The following ADAM12 variants were observed in gnomAD, a reference collection of about 807,000 sequenced individuals.
ADAM12 encodes disintegrin and metalloproteinase domain-containing protein 12.
A neutral mutation model predicts 106.4 loss-of-function variants in ADAM12; 70 were observed. The ratio of observed to expected loss-of-function variants is 0.66; its 90% CI spans 0.54 to 0.80. The LOEUF (loss-of-function observed/expected upper bound fraction) is 0.80, where lower values mean the gene tolerates loss of function less well. Ranked by LOEUF, ADAM12 falls within the 30% of genes least tolerant of loss-of-function variation. The pLI is 0.00. For synonymous variants in ADAM12, 420 were observed against 433.5 expected, an observed-to-expected ratio of 0.97 and a Z score of 0.39; for missense variants, 1,010 against 1,171.9, an observed-to-expected ratio of 0.86 and a Z score of 2.02.
intron 21 of ADAM12, among the ~76,000 whole-genome samples, chr10:126,030,333 G>C (rs1953951349): frequency 6.6e-6 from 1 of 152,182 alleles, no homozygotes; most frequent in South Asian, 2.1e-4. Flanking sequence ...TCTCCTAGCA[G>C]AGAGGTGGGT....
In ADAM12 at chr10:126,043,082, C is replaced by T; in HGVS notation, c.2062G>A (p.Gly688Ser). The change falls in exon 18 of 23, where the codon GGC becomes AGC. Residue 688 changes from glycine to serine, a missense_variant. Gly to Ser is a moderately conservative substitution (Grantham distance 56). Transcript: ENST00000448723. The surrounding 1 kb of genome is among the most constrained non-coding windows in gnomAD (Gnocchi z 4.1). ...HWAPPFCDKF[G>S]FGGSTDSGPI... ...CCGCTGTCTGTGCTTCCTCCAAAGCCAAACTTGTCACAGAAGGGAGGTGCC... is the reference window on the plus strand; with the variant it reads ...CCGCTGTCTGTGCTTCCTCCAAAGCTAAACTTGTCACAGAAGGGAGGTGCC... 3 of 1,614,202 alleles carry T rather than the reference C, an allele frequency of 1.9e-6. No individual in the cohort carries two copies. The South Asian group carries it at 3.3e-5, about 18-fold the overall frequency.
intron 3 of ADAM12, among the ~76,000 whole-genome samples, chr10:126,180,241 C>T (rs2133781645): frequency 6.6e-6 from 1 of 152,302 alleles, no homozygotes; most frequent in Admixed American, 6.5e-5. Flanking sequence ...CGCTTAGTAA[C>T]CAGCCGGATT....
intron 3 of ADAM12, among the ~76,000 whole-genome samples, chr10:126,266,172 G>A (rs1405707834): frequency 6.6e-6 from 1 of 152,132 alleles, no homozygotes; most frequent in African/African-American, 2.4e-5. Flanking sequence ...GGGCTCCACA[G>A]GCCTACAGAA....
At chr10:126,023,003 T>C (rs1236769856) in intron 21 of ADAM12, among the ~76,000 whole-genome samples, 1 of 152,202 alleles carries the variant, frequency 6.6e-6, no homozygotes, top group East Asian at 1.9e-4. Flanking sequence ...TCATGAAGTC[T>C]CAGCTGTTAT....
intron 2 of ADAM12, among the ~76,000 whole-genome samples, chr10:126,283,534 T>G (rs1959692106): frequency 6.6e-6 from 1 of 152,216 alleles, no homozygotes; most frequent in Admixed American, 6.5e-5. Context: ...GGGTTTTCCT[T>G]TACGCCTCCC....
chr10:126,084,134 C>T (rs901631648), intron 11 of ADAM12, among the ~76,000 whole-genome samples: 1 of 152,218 alleles, frequency 6.6e-6, no homozygotes, highest in African/African-American at 2.4e-5. Flanking sequence ...TGCTCCTCCT[C>T]CCTGAAACCA....
chr10:126,279,966 G>A (rs1424787570), intron 2 of ADAM12, among the ~76,000 whole-genome samples: 1 of 152,152 alleles, frequency 6.6e-6, no homozygotes, highest in East Asian at 1.9e-4. Context: ...AGGCTTGTAT[G>A]AACGCATGAG....
chr10:126,305,460 G>GTAACGATA (rs1960803628), intron 2 of ADAM12, among the ~76,000 whole-genome samples: 1 of 152,054 alleles, frequency 6.6e-6, no homozygotes, highest in Non-Finnish European at 1.5e-5. Flanking sequence ...CTTGAAGCCA[G>GTAACGATA]AGTTGATAAG....
At chr10:126,244,341 T>A (rs1284226310) in intron 3 of ADAM12, among the ~76,000 whole-genome samples, 1 of 152,128 alleles carries the variant, frequency 6.6e-6, no homozygotes, top group African/African-American at 2.4e-5. Context: ...CTGCCGGTAT[T>A]TGAAGGCAAC....
intron 4 of ADAM12, among the ~76,000 whole-genome samples, chr10:126,139,502 A>G (rs1457286099): frequency 6.6e-6 from 1 of 152,200 alleles, no homozygotes; most frequent in Admixed American, 6.5e-5. Flanking sequence ...TGCTGATTAT[A>G]TCAATTGCAA....
rs1420702426 is a variant in ADAM12, at chr10:126,388,313, G to A, written c.-168C>T. On this transcript the variant is annotated 5_prime_UTR_variant, in exon 1 of 23. Coordinates refer to ENST00000448723, the MANE Select transcript of ADAM12 (RefSeq NM_001288973.2). The surrounding 1 kb of genome is among the most constrained non-coding windows in gnomAD (Gnocchi z 4.4). ...CCCGCGCCGCCGCTGAGCTCTTCTA[G>A]CCTTTCATTTTTAAAAAAGTTTCCC... 1.3e-5 allele frequency: 14 copies of A among 1,046,492 alleles called. No homozygotes were observed. Among genetic ancestry groups the A allele is most frequent in the Non-Finnish European group, 1.7e-5 (14 of 834,008 alleles). 64.8% of individuals were successfully genotyped at this position (1,046,492 alleles called of 1,614,324 possible). A position where few individuals can be genotyped will look rare whatever the true frequency, so the allele number is the denominator to read the frequency against.
chr10:126,186,638 G>A (rs897897862), intron 3 of ADAM12, among the ~76,000 whole-genome samples: 2 of 152,174 alleles, frequency 1.3e-5, no homozygotes, highest in Admixed American at 6.5e-5. Context: ...GGGCCATAGA[G>A]GGGGGCAGGA....
At position 126,174,358 on chromosome 10, in the gene ADAM12, G is replaced by A. The variant is rs1053483437; in HGVS notation, c.261-19053C>T. ...GCATCATGGCCCGGCTATCCAAGTCGGCAAATGTCACATCCAGGCAGTTCC... is the reference window on the plus strand; with the variant it reads ...GCATCATGGCCCGGCTATCCAAGTCAGCAAATGTCACATCCAGGCAGTTCC... On this transcript the variant is annotated intron_variant, in intron 3 of 22. Coordinates refer to ENST00000448723, the MANE Select transcript of ADAM12 (RefSeq NM_001288973.2). Among the ~76,000 whole-genome samples, 12 of 151,872 alleles carry A rather than the reference G, an allele frequency of 7.9e-5. 1 individual carries two copies. Among genetic ancestry groups the A allele is most frequent in the Non-Finnish European group, 1.5e-4 (10 of 67,980 alleles).
chr10:126,200,943 A>G (rs1957687767), intron 3 of ADAM12, among the ~76,000 whole-genome samples: 2 of 151,916 alleles, frequency 1.3e-5, no homozygotes, highest in South Asian at 2.1e-4. Context: ...GGCACATGGA[A>G]TGTTCTAGAA....
intron 3 of ADAM12, among the ~76,000 whole-genome samples, chr10:126,265,270 T>C (rs949413702): frequency 1.3e-5 from 2 of 152,204 alleles, no homozygotes; most frequent in Non-Finnish European, 2.9e-5. Flanking sequence ...GCTTTTTATC[T>C]CATATCTCAG....
intron 5 of ADAM12, among the ~76,000 whole-genome samples, chr10:126,125,174 T>C (rs1167170982): frequency 1.3e-5 from 2 of 151,490 alleles, no homozygotes; most frequent in African/African-American, 4.8e-5. Flanking sequence ...CTATCAGCAG[T>C]CACTCTTGAT....
intron 1 of ADAM12, 143 bp downstream of exon 1, chr10:126,387,915 G>A (rs1158896025): frequency 3.7e-6 from 4 of 1,067,774 alleles, no homozygotes; most frequent in Non-Finnish European, 4.6e-6. Context: ...GTCTCGCCGC[G>A]CTGGAAGCGC....
At chr10:126,223,101 T>G (rs1590641239) in intron 3 of ADAM12, among the ~76,000 whole-genome samples, 2 of 152,222 alleles carry the variant, frequency 1.3e-5, no homozygotes, top group South Asian at 2.1e-4. Context: ...TTGCCTATCG[T>G]TTTTCCTATC....
In ADAM12 at chr10:126,032,416, A is replaced by C. The variant is rs188524885; in HGVS notation, c.2529+3730T>G. Among the ~76,000 whole-genome samples the C allele has an allele frequency of 6.5e-4, 99 of 152,296 alleles. 1 individual carries two copies. The highest frequency in any genetic ancestry group is 2.3e-3 in the African/African-American group (94 of 41,574). ...GACAGACACCAGCCTGGAGTGAGAAATGTGGATTTTTCAGTGACTGATGTT... is the reference window on the plus strand; with the variant it reads ...GACAGACACCAGCCTGGAGTGAGAACTGTGGATTTTTCAGTGACTGATGTT... On this transcript the variant is annotated intron_variant, in intron 21 of 22. Coordinates refer to ENST00000448723, the MANE Select transcript of ADAM12 (RefSeq NM_001288973.2).
Sources: allele counts gnomAD v4.1 joint callset (sites outside exome capture counted in the v4.1 genomes callset), GRCh38; gene constraint gnomAD v4.1.1; non-coding constraint Gnocchi (gnomAD v3.1); transcripts MANE v1.5; gene names NCBI Gene and HGNC (gene_info 2026-07-23, HGNC 2026-07-21).